TMEM217B: variants seen among roughly 807,000 people sequenced by gnomAD.
The protein encoded by TMEM217B is putative transmembrane protein 217B.
At chr6:37,242,401 A>G in the TMEM217B span, among the ~76,000 whole-genome samples, 5 of 152,050 alleles carry the variant, frequency 3.3e-5, no homozygotes, top group Non-Finnish European at 2.9e-5. Flanking sequence ...AGCACTCCCT[A>G]CTCATCCATA....
the TMEM217B span, among the ~76,000 whole-genome samples, chr6:37,226,909 T>C: frequency 3.3e-5 from 5 of 152,368 alleles, no homozygotes; most frequent in African/African-American, 4.8e-5. Context: ...ACAACTCATG[T>C]ATTGTCTTAT....
chr6:37,232,334 A>G, the TMEM217B span, among the ~76,000 whole-genome samples: 80 of 152,178 alleles, frequency 5.3e-4, no homozygotes, highest in Non-Finnish European at 9.4e-4. Context: ...CAAACCTTCA[A>G]GGATAATCTA....
chr6:37,257,097 A>G, the TMEM217B span, among the ~76,000 whole-genome samples: 1 of 152,216 alleles, frequency 6.6e-6, no homozygotes, highest in Admixed American at 6.5e-5. Context: ...GTATTTGGTA[A>G]TCTGAGTTGG....
chr6:37,251,542 G>A, the TMEM217B span, among the ~76,000 whole-genome samples: 1 of 152,226 alleles, frequency 6.6e-6, no homozygotes, highest in Non-Finnish European at 1.5e-5. Flanking sequence ...ACAGAATGTT[G>A]AGTGAAAAAG....
chr6:37,229,898 C>G, the TMEM217B span, among the ~76,000 whole-genome samples: 2 of 152,192 alleles, frequency 1.3e-5, no homozygotes, highest in Non-Finnish European at 2.9e-5. Context: ...GGTGGTTTCT[C>G]TGCTCCAGGT....
At chr6:37,217,575 G>GAAGT in the TMEM217B span, 1 of 918,744 alleles carries the variant, frequency 1.1e-6, no homozygotes, top group Non-Finnish European at 1.3e-6. Context: ...TTTGATTAAG[G>GAAGT]AAGTGCCTTT....
the TMEM217B span, among the ~76,000 whole-genome samples, chr6:37,251,817 G>C: frequency 2.0e-5 from 3 of 152,138 alleles, no homozygotes; most frequent in African/African-American, 7.2e-5. Flanking sequence ...TATTGCAGGA[G>C]ATGGCAAATT....
chr6:37,242,321 C>A, the TMEM217B span, among the ~76,000 whole-genome samples: 2 of 152,214 alleles, frequency 1.3e-5, no homozygotes, highest in East Asian at 1.9e-4. Flanking sequence ...TCTATTCCCC[C>A]CAAGGGAAGG....
the TMEM217B span, among the ~76,000 whole-genome samples, chr6:37,251,413 A>C: frequency 7.1e-6 from 1 of 140,464 alleles, no homozygotes; most frequent in African/African-American, 2.6e-5. Flanking sequence ...ATAATGTATA[A>C]AGAATGTTGA....
chr6:37,218,854 G>T, the TMEM217B span: 23 of 1,614,092 alleles, frequency 1.4e-5, no homozygotes, highest in Non-Finnish European at 1.8e-5. Flanking sequence ...AGCAGATGAT[G>T]AAGTTATTTA....
chr6:37,250,692 T>G, the TMEM217B span, among the ~76,000 whole-genome samples: 1 of 152,256 alleles, frequency 6.6e-6, no homozygotes, highest in Non-Finnish European at 1.5e-5. Context: ...CTCTCAGGCG[T>G]GCGTGTGCAC....
chr6:37,212,722 T>C, the TMEM217B span: 2 of 658,296 alleles, frequency 3.0e-6, no homozygotes, highest in East Asian at 6.0e-5. Flanking sequence ...CAGCCCCATG[T>C]AGATATTCTT....
chr6:37,216,147 T>C, the TMEM217B span, among the ~76,000 whole-genome samples: 1 of 152,120 alleles, frequency 6.6e-6, no homozygotes, highest in Non-Finnish European at 1.5e-5. Flanking sequence ...GGTGCAATTA[T>C]GGCTCACTGC....
At chr6:37,239,542 A>G in the TMEM217B span, among the ~76,000 whole-genome samples, 4 of 152,184 alleles carry the variant, frequency 2.6e-5, no homozygotes, top group African/African-American at 9.7e-5. Context: ...AAAGCATTGA[A>G]GCATAGTGTA....
the TMEM217B span, among the ~76,000 whole-genome samples, chr6:37,227,740 C>T: frequency 1.1e-4 from 17 of 151,936 alleles, no homozygotes; most frequent in African/African-American, 2.2e-4. Flanking sequence ...TGAGCCATTG[C>T]GCTCAGCCTA....
chr6:37,234,701 A>C, the TMEM217B span, among the ~76,000 whole-genome samples: 1 of 152,008 alleles, frequency 6.6e-6, no homozygotes, highest in Admixed American at 6.6e-5. Flanking sequence ...GTGCCACTGC[A>C]CTCCAGCCTA....
the TMEM217B span, among the ~76,000 whole-genome samples, chr6:37,246,615 T>G: frequency 6.6e-6 from 1 of 152,042 alleles, no homozygotes; most frequent in African/African-American, 2.4e-5. Flanking sequence ...AAATAGACAT[T>G]TCTCAGGCTG....
At chr6:37,217,050 T>C in the TMEM217B span, among the ~76,000 whole-genome samples, 2 of 152,200 alleles carry the variant, frequency 1.3e-5, no homozygotes, top group Non-Finnish European at 2.9e-5. Flanking sequence ...TCCCAGCACT[T>C]TGGGAGGCTG....
the TMEM217B span, among the ~76,000 whole-genome samples, chr6:37,238,951 G>A: frequency 6.6e-6 from 1 of 151,976 alleles, no homozygotes; most frequent in South Asian, 2.1e-4. Context: ...CCAACAGGGT[G>A]AAACCCTGTC....
Sources: allele counts gnomAD v4.1 joint callset (sites outside exome capture counted in the v4.1 genomes callset), GRCh38; gene constraint gnomAD v4.1.1; transcripts MANE v1.5; gene names NCBI Gene and HGNC (gene_info 2026-07-23, HGNC 2026-07-21).